The following PLEKHG1 variants were observed in gnomAD, a reference collection of about 807,000 sequenced individuals.
The protein encoded by PLEKHG1 is pleckstrin homology and RhoGEF domain containing G1.
Under a neutral mutation model 100.8 loss-of-function variants are expected in PLEKHG1, and 44 were observed. The observed-to-expected ratio is 0.44, with a 90% CI of 0.34 to 0.56. The LOEUF (loss-of-function observed/expected upper bound fraction) is 0.56. Ranked by LOEUF, PLEKHG1 falls within the 20% of genes least tolerant of loss-of-function variation. The pLI is 0.01. For missense variants in PLEKHG1, 1,545 were observed against 1,720.9 expected (o/e 0.90, Z 1.81); for synonymous variants, 640 against 662.5 (o/e 0.97, Z 0.52).
chr6:150,793,549 C>A (rs1786118295), intron 4 of PLEKHG1, among the ~76,000 whole-genome samples: 1 of 152,150 alleles, frequency 6.6e-6, no homozygotes, highest in African/African-American at 2.4e-5. Flanking sequence ...AGAAATACCA[C>A]CATTTTCCAA....
chr6:150,745,559 TG>T (rs1783113921), intron 2 of PLEKHG1, among the ~76,000 whole-genome samples: 1 of 151,886 alleles, frequency 6.6e-6, no homozygotes, highest in Non-Finnish European at 1.5e-5. Flanking sequence ...GGCAGGCACC[TG>T]TAATCCCAGC....
intron 3 of PLEKHG1, among the ~76,000 whole-genome samples, chr6:150,708,587 G>A (rs1033312407): frequency 2.6e-5 from 4 of 152,140 alleles, no homozygotes; most frequent in African/African-American, 9.7e-5. Flanking sequence ...CAATTTCTAT[G>A]GAGGCTCATC....
At chr6:150,704,969 C>T (rs1780945840) in intron 3 of PLEKHG1, among the ~76,000 whole-genome samples, 1 of 152,162 alleles carries the variant, frequency 6.6e-6, no homozygotes, top group South Asian at 2.1e-4. Flanking sequence ...GGACTAGAGC[C>T]CCACCCTTAT....
At chr6:150,731,549 T>C (rs1490688172) in intron 1 of PLEKHG1, among the ~76,000 whole-genome samples, 2 of 152,254 alleles carry the variant, frequency 1.3e-5, no homozygotes, top group Non-Finnish European at 2.9e-5. Flanking sequence ...TTTAGTGATC[T>C]TTATTATAGA....
chr6:150,757,854 C>T (rs1783931070), intron 2 of PLEKHG1, among the ~76,000 whole-genome samples: 1 of 152,156 alleles, frequency 6.6e-6, no homozygotes, highest in South Asian at 2.1e-4. Flanking sequence ...CTCTCCCTTC[C>T]CTCACCCCCT....
At chr6:150,816,274 C>T (rs552328754) in intron 10 of PLEKHG1, among the ~76,000 whole-genome samples, 2 of 143,328 alleles carry the variant, frequency 1.4e-5, no homozygotes, top group Admixed American at 7.3e-5. Context: ...TCAGGATATT[C>T]GCCTGGACTT....
At chr6:150,629,759 G>A (rs1777666991) in intron 1 of PLEKHG1, among the ~76,000 whole-genome samples, 1 of 152,124 alleles carries the variant, frequency 6.6e-6, no homozygotes, top group African/African-American at 2.4e-5. Context: ...GCACCTGGCT[G>A]AATCATCCAT....
At chr6:150,840,170 A>C (rs765886913) in exon 16 of PLEKHG1, 1 of 1,614,032 alleles carries the variant, frequency 6.2e-7, no homozygotes, top group Non-Finnish European at 8.5e-7. Context: ...CTGTGCAGAG[A>C]TGCAGCGTGG....
intron 2 of PLEKHG1, among the ~76,000 whole-genome samples, chr6:150,738,459 C>T (rs1194953460): frequency 6.6e-6 from 1 of 152,136 alleles, no homozygotes; most frequent in Non-Finnish European, 1.5e-5. Flanking sequence ...CCTCCTAACC[C>T]CAGTTGAGCA....
At chr6:150,725,709 C>T (rs759343687) in intron 1 of PLEKHG1, among the ~76,000 whole-genome samples, 7 of 149,700 alleles carry the variant, frequency 4.7e-5, no homozygotes, top group Non-Finnish European at 8.9e-5. Context: ...GTGTCACATC[C>T]AAAAAATCAT....
At chr6:150,765,457 G>A (rs1282484241) in intron 2 of PLEKHG1, among the ~76,000 whole-genome samples, 1 of 148,162 alleles carries the variant, frequency 6.7e-6, no homozygotes. Context: ...TTGTGCCACT[G>A]CACTCCAGCT....
rs115073704 is a variant in PLEKHG1, at chr6:150,788,029, G to A, written c.582+1570G>A. Among the ~76,000 whole-genome samples, 366 of 152,302 alleles carry A rather than the reference G, an allele frequency of 2.4e-3. 1 individual carries two copies. Among genetic ancestry groups the A allele is most frequent in the African/African-American group, 8.4e-3 (350 of 41,566 alleles). ...GCACATAAACAACGTAGAAGCTTTC[G>A]GAAACGTTTGGGCTTTTACTGGTAA... On this transcript the variant is annotated intron_variant, in intron 4 of 15. Coordinates refer to ENST00000358517, the Ensembl canonical transcript of PLEKHG1.
Position 150,702,557 on chromosome 6 carries a change from G to GGTGGGTGTGTGTGT in PLEKHG1, c.-98-31024_-98-31023insGGTGTGTGTGTGTG, listed in dbSNP as rs1554261635. ...AGCAGTACTTCTCATTTTGTTTTGG[G>GGTGGGTGTGTGTGT]GTGTGTGTGTGTGTGTGTGTGTGTG... On this transcript the variant is annotated intron_variant, in intron 3 of 3. Coordinates refer to the PLEKHG1 transcript ENST00000367326. 7.0e-3 allele frequency among the ~76,000 whole-genome samples: 1,005 copies of GGTGGGTGTGTGTGT among 142,898 alleles called. 13 individuals carry two copies. The highest frequency in any genetic ancestry group is 0.026 in the African/African-American group (963 of 37,628). 93.7% of individuals were successfully genotyped at this position (142,898 alleles called of 152,430 possible). A position where few individuals can be genotyped will look rare whatever the true frequency, so the allele number is the denominator to read the frequency against.
At chr6:150,685,291 C>T (rs1780079537) in intron 3 of PLEKHG1, among the ~76,000 whole-genome samples, 1 of 152,124 alleles carries the variant, frequency 6.6e-6, no homozygotes, top group Non-Finnish European at 1.5e-5. Context: ...CTGGGTGTGA[C>T]AGGAACAGAG....
intron 14 of PLEKHG1, chr6:150,828,368 A>C: frequency 6.2e-7 from 1 of 1,609,644 alleles, no homozygotes; most frequent in South Asian, 1.1e-5. Context: ...AGGGACAGCG[A>C]TTCCAAGGGT....
At chr6:150,776,174 A>AG (rs1316584267) in intron 3 of PLEKHG1, among the ~76,000 whole-genome samples, 4 of 152,228 alleles carry the variant, frequency 2.6e-5, no homozygotes, top group African/African-American at 9.6e-5. Context: ...CACCCAACTA[A>AG]GGGACCTGAG....
chr6:150,823,816 AT>A, intron 14 of PLEKHG1, 140 bp downstream of exon 15: 1 of 641,036 alleles, frequency 1.6e-6, no homozygotes, highest in Non-Finnish European at 2.8e-6. Context: ...GGTATTTTAC[AT>A]TTTGAATTAT....
chr6:150,701,466 T>TATATATATATAA (rs1212311635), intron 3 of PLEKHG1, among the ~76,000 whole-genome samples: 2 of 84,238 alleles, frequency 2.4e-5, no homozygotes, highest in South Asian at 3.3e-4. Flanking sequence ...TATATATATA[T>TATATATATATAA]AATTATACTT....
At chr6:150,696,118 G>A (rs78292077) in intron 3 of PLEKHG1, among the ~76,000 whole-genome samples, 5,680 of 152,270 alleles carry the variant, frequency 0.037, 338 homozygotes, top group African/African-American at 0.13. Flanking sequence ...TAATGAGGAA[G>A]AATTCAGATC....
Sources: gnomAD v4.1 joint callset for allele counts (sites outside exome capture counted in the v4.1 genomes callset) on GRCh38, gnomAD v4.1.1 for gene constraint, MANE v1.5 for transcripts, NCBI Gene and HGNC (gene_info 2026-07-23, HGNC 2026-07-21) for gene names.